Variants in ZNF146 observed in about 807,000 individuals in gnomAD.
ZNF146 encodes zinc finger protein OZF.
ZNF146 carries 9 observed loss-of-function variants against 22.2 expected under a neutral mutation model. The observed-to-expected ratio is 0.41, with a 90% confidence interval of 0.24 to 0.71. ZNF146 has a LOEUF of 0.71. Ranked by LOEUF, ZNF146 falls within the 30% of genes least tolerant of loss-of-function variation. The probability of loss-of-function intolerance (pLI) is 0.34; values close to 1 mark genes in which losing one functional copy is unlikely to be tolerated. For missense variants in ZNF146, 194 were observed against 344.8 expected (o/e 0.56, Z 3.46); for synonymous variants, 108 against 119.2 (o/e 0.91, Z 0.61).
Position 36,236,568 on chromosome 19 carries a change from C to T in ZNF146, c.128C>T (p.Pro43Leu), listed in dbSNP as rs916973875. Residue 43 changes from proline (P) to leucine (L), a missense_variant, in exon 4 of 4, where the codon CCT (proline) becomes CTT (leucine). Physicochemically the swap from Pro to Leu is moderately conservative, Grantham distance 98. Around this residue, in one of 2 missense-constraint regions of ZNF146, gnomAD observed 147 missense variants for 300.1 expected, o/e 0.49. Coordinates refer to ENST00000443387, the MANE Select transcript of ZNF146 (RefSeq NM_007145.3). ...EHEHFHTREKPFECNECGKAF... is the reference protein window; with the variant it reads ...EHEHFHTREKLFECNECGKAF... ...GAGCATTTTCACACGAGAGAGAAAC[C>T]TTTTGAATGTAACGAGTGTGGAAAA... The T allele has an allele frequency of 2.5e-6, 4 of 1,614,174 alleles. No homozygotes were observed. Among genetic ancestry groups the T allele is most frequent in the Non-Finnish European group, 3.4e-6 (4 of 1,180,026 alleles).
Position 36,236,554 on chromosome 19 carries a change from C to T in ZNF146, c.114C>T (p.His38=). 1 of 1,614,142 alleles carries T rather than the reference C, an allele frequency of 6.2e-7. No individual in the cohort carries two copies. Among genetic ancestry groups the T allele is most frequent in the Non-Finnish European group, 8.5e-7 (1 of 1,180,026 alleles). ...ACCTCACTGAGCATGAGCATTTTCACACGAGAGAGAAACCTTTTGAATGTA... is the reference window on the plus strand; with the variant it reads ...ACCTCACTGAGCATGAGCATTTTCATACGAGAGAGAAACCTTTTGAATGTA... ...KSNLTEHEHF[H]TREKPFECNE... The change falls in exon 4 of 4, where the codon CAC becomes CAT. Residue 38 remains histidine, a synonymous_variant. Transcript: ENST00000443387.
Position 36,238,135 on chromosome 19 carries a change from ATAT to A in ZNF146, c.*817_*819del, listed in dbSNP as rs1977712510. ...ATATGGGAAATTCTTATGTAATACT[ATAT>A]ATCTGTAAAATGCAACAAATGAAAT... On this transcript the variant is annotated 3_prime_UTR_variant, in exon 4 of 4. Coordinates refer to ENST00000443387, the MANE Select transcript of ZNF146 (RefSeq NM_007145.3). 6.0e-6 allele frequency: 1 copy of A among 167,122 alleles called. No homozygotes were observed. Among genetic ancestry groups the A allele is most frequent in the African/African-American group, 2.4e-5 (1 of 41,470 alleles). The allele number at this position is 167,122 out of a possible 1,614,324, so 10.4% of individuals were successfully genotyped here. A position where few individuals can be genotyped will look rare whatever the true frequency, so the allele number is the denominator to read the frequency against.
intron 3 of ZNF146, among the ~76,000 whole-genome samples, chr19:36,231,441 T>G (rs1019593145): frequency 6.6e-6 from 1 of 152,154 alleles, no homozygotes; most frequent in Non-Finnish European, 1.5e-5. Flanking sequence ...ACTCCTGACC[T>G]CAAGTGATCT....
chr19:36,223,479 C>T (rs1164113491), intron 2 of ZNF146, among the ~76,000 whole-genome samples: 3 of 152,008 alleles, frequency 2.0e-5, no homozygotes, highest in Admixed American at 6.6e-5. Flanking sequence ...TCTCCTGCCT[C>T]AGCCTCCCAA....
intron 2 of ZNF146, among the ~76,000 whole-genome samples, chr19:36,224,314 G>A (rs2145417522): frequency 6.6e-6 from 1 of 152,286 alleles, no homozygotes; most frequent in Non-Finnish European, 1.5e-5. Context: ...ATAGGAGGGC[G>A]GAGGTTGCAG....
intron 2 of ZNF146, among the ~76,000 whole-genome samples, chr19:36,228,249 C>T (rs1468571115): frequency 7.9e-6 from 1 of 127,102 alleles, no homozygotes; most frequent in African/African-American, 3.1e-5. Context: ...AGTTTTTATT[C>T]TTGAGTACTG....
Position 36,228,985 on chromosome 19 carries a change from A to C in ZNF146, c.-783+166A>C, listed in dbSNP as rs148434617. The stretch of plus-strand genomic sequence containing the variant: ...AGTCATCATTTTTGTGTGTTTCATT[A>C]TTCTTCTTCTTTCACCAGATTCTAG... On this transcript the variant is annotated intron_variant, in intron 3 of 3. Transcript: ENST00000443387. Among the ~76,000 whole-genome samples the C allele has an allele frequency of 3.3e-5, 5 of 152,198 alleles. No homozygotes were observed. In the East Asian group the frequency reaches 5.8e-4, roughly 18 times the overall value.
At chr19:36,219,338 C>CTT in intron 2 of ZNF146, among the ~76,000 whole-genome samples, 1 of 151,842 alleles carries the variant, frequency 6.6e-6, no homozygotes, top group Non-Finnish European at 1.5e-5. Context: ...ATTTTTAAAC[C>CTT]TTTTTTTGTA....
At position 36,233,770 on chromosome 19, in the gene ZNF146, A is replaced by G. The variant is rs140957499; in HGVS notation, c.-782-1889A>G. On this transcript the variant is annotated intron_variant, in intron 3 of 3. Transcript: ENST00000443387. ...TCCAGCCCTAAGGCGGTTTTCCCCT[A>G]TCTCAGTAGATGGAATATACAATCC... is the stretch of plus-strand genomic sequence containing the variant. Among the ~76,000 whole-genome samples, 204 of 152,308 alleles carry G rather than the reference A, an allele frequency of 1.3e-3. 1 individual carries two copies. The highest frequency in any genetic ancestry group is 4.5e-3 in the African/African-American group (186 of 41,574).
chr19:36,225,285 C>T (rs1342322762), intron 2 of ZNF146, among the ~76,000 whole-genome samples: 2 of 152,124 alleles, frequency 1.3e-5, no homozygotes. Context: ...CTCAAAATTT[C>T]GTTATTGCAT....
intron 2 of ZNF146, among the ~76,000 whole-genome samples, chr19:36,227,966 G>A (rs1977147754): frequency 6.6e-6 from 1 of 152,074 alleles, no homozygotes. Context: ...TTCGAGACCA[G>A]CCTGGCCAAC....
chr19:36,235,065 C>G (rs1166985512), intron 3 of ZNF146, among the ~76,000 whole-genome samples: 2 of 151,788 alleles, frequency 1.3e-5, no homozygotes, highest in African/African-American at 4.8e-5. Context: ...ATTATTTAGC[C>G]AGGTATGGTG....
chr19:36,221,434 GT>G (rs1976833737), intron 2 of ZNF146, among the ~76,000 whole-genome samples: 1 of 151,770 alleles, frequency 6.6e-6, no homozygotes, highest in Non-Finnish European at 1.5e-5. Context: ...GACTATAGGT[GT>G]CAGCCACCAC....
In ZNF146 at chr19:36,226,382, A is replaced by G. The variant is rs145341611; in HGVS notation, c.-854-2366A>G. ...GGAATTGGGTGATCAAGCTTTTTCA[A>G]CATACATAGTGGATGGGGGGTATAT... is the stretch of plus-strand genomic sequence containing the variant. On this transcript the variant is annotated intron_variant, in intron 2 of 3. Transcript: ENST00000443387. Among the ~76,000 whole-genome samples, 136 of 152,300 alleles carry G rather than the reference A, an allele frequency of 8.9e-4. No individual in the cohort carries two copies. In the East Asian group the frequency reaches 0.018, roughly 20 times the overall value.
chr19:36,223,443 A>G (rs975456097), intron 2 of ZNF146, among the ~76,000 whole-genome samples: 1 of 150,984 alleles, frequency 6.6e-6, no homozygotes, highest in African/African-American at 2.4e-5. Context: ...GCTCACTGCA[A>G]GCTCCGCCTC....
intron 2 of ZNF146, among the ~76,000 whole-genome samples, chr19:36,219,181 A>G (rs1976737351): frequency 6.6e-6 from 1 of 151,844 alleles, no homozygotes; most frequent in Non-Finnish European, 1.5e-5. Flanking sequence ...GATTTTTGAG[A>G]TGGGGTCTCA....
In ZNF146 at chr19:36,238,613, C is replaced by T. The variant is rs1977732994; in HGVS notation, c.*1294C>T. 1 of 166,980 alleles carries T rather than the reference C, an allele frequency of 6.0e-6. No homozygotes were observed. The highest frequency in any genetic ancestry group is 1.5e-5 in the Non-Finnish European group (1 of 68,104). The allele number at this position is 166,980 out of a possible 1,614,324, so 10.3% of individuals were successfully genotyped here. A position where few individuals can be genotyped will look rare whatever the true frequency, so the allele number is the denominator to read the frequency against. ...GGGAGTGAGGATGGGAATGCTGTAT[C>T]TGTGGAAGTCATGTTATACTGGATT... is the stretch of plus-strand genomic sequence containing the variant. On this transcript the variant is annotated 3_prime_UTR_variant, in exon 4 of 4. Transcript: ENST00000443387.
rs1485070346 is a variant in ZNF146, at chr19:36,218,138, G to A, written c.-912G>A. On this transcript the variant is annotated 5_prime_UTR_variant, in exon 2 of 4. Coordinates refer to ENST00000443387, the MANE Select transcript of ZNF146 (RefSeq NM_007145.3). ...AAATTAAAGGAAGACATAGGCCAAG[G>A]AGCCAGACTTCCTGTGTTAACTCCT... is the stretch of plus-strand genomic sequence containing the variant. 4.1e-5 allele frequency: 6 copies of A among 145,246 alleles called. No homozygotes were observed. Among genetic ancestry groups the A allele is most frequent in the Non-Finnish European group, 8.9e-5 (6 of 67,412 alleles). The allele number at this position is 145,246 out of a possible 1,614,324, so 9.0% of individuals were successfully genotyped here.
Position 36,235,713 on chromosome 19 carries a change from C to T in ZNF146, c.-728C>T, listed in dbSNP as rs1977622362. 1 of 152,172 alleles carries T rather than the reference C, an allele frequency of 6.6e-6. No individual in the cohort carries two copies. The highest frequency in any genetic ancestry group is 2.1e-4 in the South Asian group (1 of 4,834). 9.4% of individuals were successfully genotyped at this position (152,172 alleles called of 1,614,324 possible). A position where few individuals can be genotyped will look rare whatever the true frequency, so the allele number is the denominator to read the frequency against. ...GAGAGGCACCAGGACTTGAGAGGCA[C>T]CAGGACTTGGGAGGCATGTTGATCC... On this transcript the variant is annotated 5_prime_UTR_variant, in exon 4 of 4. Coordinates refer to ENST00000443387, the MANE Select transcript of ZNF146 (RefSeq NM_007145.3).
Sources: gnomAD v4.1 joint callset for allele counts (sites outside exome capture counted in the v4.1 genomes callset) on GRCh38, gnomAD v4.1.1 for gene constraint, gnomAD v4.1.1 regional missense constraint, MANE v1.5 for transcripts, NCBI Gene and HGNC (gene_info 2026-07-23, HGNC 2026-07-21) for gene names.